Variants in CFAP20DC observed in about 807,000 individuals in gnomAD.
CFAP20DC encodes the protein protein CFAP20DC.
In CFAP20DC, 84 loss-of-function variants were observed where a neutral mutation model predicts 101.7. That is an observed-to-expected ratio of 0.83 (90% CI 0.69 to 0.99). The LOEUF is 0.99. CFAP20DC is among the 50% of genes least tolerant of loss of function. CFAP20DC has a pLI of 0.00. For missense variants in CFAP20DC, 1,007 were observed against 970.3 expected (o/e 1.04, Z -0.50); for synonymous variants, 359 against 351.2 (o/e 1.02, Z -0.25).
intron 15 of CFAP20DC, among the ~76,000 whole-genome samples, chr3:58,761,986 T>C (rs1401170565): frequency 6.6e-6 from 1 of 152,120 alleles, no homozygotes; most frequent in Non-Finnish European, 1.5e-5. Flanking sequence ...ATAGGTGTGG[T>C]GTGGTGCTGA....
At chr3:58,759,194 C>G (rs1305381739) in intron 15 of CFAP20DC, among the ~76,000 whole-genome samples, 1 of 152,064 alleles carries the variant, frequency 6.6e-6, no homozygotes. Context: ...TCCTCTCCAG[C>G]ACCTGTTGTT....
intron 3 of CFAP20DC, chr3:58,726,444 G>A (rs1173086318): frequency 1.3e-5 from 2 of 153,386 alleles, no homozygotes; most frequent in African/African-American, 4.8e-5. Flanking sequence ...AAGTCTTTAA[G>A]CCAGAAGGAA....
intron 4 of CFAP20DC, chr3:58,992,625 T>G: frequency 1.1e-6 from 1 of 881,906 alleles, no homozygotes; most frequent in Non-Finnish European, 1.4e-6. Flanking sequence ...CCTGCCTCCA[T>G]CAGACAATAA....
At chr3:58,739,326 G>A (rs1259058798), downstream of CFAP20DC, among the ~76,000 whole-genome samples, 5 of 152,118 alleles carry the variant, frequency 3.3e-5, no homozygotes, top group African/African-American at 4.8e-5. Flanking sequence ...GTTGCATCCC[G>A]ATTATATGAA....
At chr3:58,875,458 T>C (rs1234215018) in intron 7 of CFAP20DC, among the ~76,000 whole-genome samples, 1 of 152,190 alleles carries the variant, frequency 6.6e-6, no homozygotes, top group East Asian at 1.9e-4. Context: ...CGGAGAGTAA[T>C]GAAGGGCTCT....
chr3:59,019,449 T>C (rs2093757774), intron 4 of CFAP20DC, among the ~76,000 whole-genome samples: 1 of 151,758 alleles, frequency 6.6e-6, no homozygotes. Context: ...TGTTGAGGGA[T>C]GTGGAAGATC....
At chr3:58,814,758 T>C (rs1406920085) in intron 14 of CFAP20DC, among the ~76,000 whole-genome samples, 4 of 150,770 alleles carry the variant, frequency 2.7e-5, no homozygotes, top group Admixed American at 6.6e-5. Context: ...CCATTCACAA[T>C]TGCTTCAAAG....
intron 3 of CFAP20DC, chr3:58,725,803 G>A (rs1373274047): frequency 9.8e-6 from 2 of 204,008 alleles, no homozygotes; most frequent in African/African-American, 4.7e-5. Context: ...ATGGTAATGA[G>A]GAGAGTTCAC....
At chr3:58,949,829 A>G (rs565607577) in intron 4 of CFAP20DC, among the ~76,000 whole-genome samples, 1 of 152,292 alleles carries the variant, frequency 6.6e-6, no homozygotes, top group East Asian at 1.9e-4. Flanking sequence ...GAATGGGCAA[A>G]AACTGGAAGC....
At chr3:58,761,012 T>C (rs2069525984) in intron 15 of CFAP20DC, among the ~76,000 whole-genome samples, 1 of 152,206 alleles carries the variant, frequency 6.6e-6, no homozygotes, top group South Asian at 2.1e-4. Context: ...TTGTTGTGTC[T>C]CTGCCAGGCT....
At chr3:58,906,819 T>TCC (rs2083636223) in intron 6 of CFAP20DC, among the ~76,000 whole-genome samples, 1 of 152,064 alleles carries the variant, frequency 6.6e-6, no homozygotes, top group East Asian at 1.9e-4. Context: ...TCCCAGCTCA[T>TCC]CAGGAGGCTG....
chr3:58,789,812 G>C (rs193247447), intron 15 of CFAP20DC, among the ~76,000 whole-genome samples: 20 of 152,192 alleles, frequency 1.3e-4, no homozygotes, highest in Admixed American at 8.5e-4. Context: ...AGTAAATTAG[G>C]CTTCCCAGGA....
intron 5 of CFAP20DC, among the ~76,000 whole-genome samples, chr3:58,918,179 T>C (rs2084945800): frequency 6.6e-6 from 1 of 152,122 alleles, no homozygotes; most frequent in African/African-American, 2.4e-5. Context: ...AACTCTGGAG[T>C]TGAAGTTCAC....
intron 7 of CFAP20DC, among the ~76,000 whole-genome samples, chr3:58,883,874 A>T (rs892544148): frequency 4.6e-5 from 7 of 152,194 alleles, no homozygotes; most frequent in Admixed American, 1.3e-4. Context: ...ACTCATCTAG[A>T]CAATATTAAA....
chr3:58,837,111 A>T (rs976767746), intron 13 of CFAP20DC, among the ~76,000 whole-genome samples: 3 of 152,206 alleles, frequency 2.0e-5, no homozygotes, highest in Non-Finnish European at 4.4e-5. Flanking sequence ...TGTTTCAGCA[A>T]TGAAGCCAGT....
At chr3:58,923,285 A>G (rs1576322297) in intron 5 of CFAP20DC, among the ~76,000 whole-genome samples, 2 of 152,148 alleles carry the variant, frequency 1.3e-5, no homozygotes, top group African/African-American at 4.8e-5. Flanking sequence ...TTCTTTTTAG[A>G]TTTAGCTATA....
At chr3:58,764,675 A>T (rs2070093853) in intron 15 of CFAP20DC, among the ~76,000 whole-genome samples, 1 of 151,926 alleles carries the variant, frequency 6.6e-6, no homozygotes, top group Admixed American at 6.6e-5. Context: ...ACCCGACTAT[A>T]ATCCTTTTAT....
chr3:58,840,488 T>A (rs1458367310), intron 13 of CFAP20DC, among the ~76,000 whole-genome samples: 1 of 152,152 alleles, frequency 6.6e-6, no homozygotes, highest in East Asian at 1.9e-4. Flanking sequence ...TATAAATAAA[T>A]ATTTTTCTCT....
At position 58,770,679 on chromosome 3, in the gene CFAP20DC, G is replaced by C. The variant is rs868031157; in HGVS notation, c.2238-16816C>G. 2.7e-4 allele frequency among the ~76,000 whole-genome samples: 41 copies of C among 152,268 alleles called. No individual in the cohort carries two copies. The Middle Eastern group carries it at 0.01, about 38-fold the overall frequency. ...CTGTAGTCAGTTGTTGAAGAAGCAG[G>C]ATGCTTAGATGGCAAACTAAGGAGT... On this transcript the variant is annotated intron_variant, in intron 15 of 16. Transcript: ENST00000482387.
Sources: allele counts gnomAD v4.1 joint callset (sites outside exome capture counted in the v4.1 genomes callset), GRCh38; gene constraint gnomAD v4.1.1; transcripts MANE v1.5; gene names NCBI Gene and HGNC (gene_info 2026-07-23, HGNC 2026-07-21).